SLCO5A1: variants seen among roughly 807,000 people sequenced by gnomAD.
The protein encoded by SLCO5A1 is solute carrier organic anion transporter family member 5A1, also known as organic anion transporter polypeptide-related protein 4.
A neutral mutation model predicts 65.1 loss-of-function variants in SLCO5A1; 39 were observed. The observed-to-expected ratio is 0.60, with a 90% CI of 0.46 to 0.78. The LOEUF is 0.78. Ranked by LOEUF, SLCO5A1 falls within the 30% of genes least tolerant of loss-of-function variation. SLCO5A1 has a pLI of 0.00. For synonymous variants in SLCO5A1, 438 were observed against 415.7 expected (o/e 1.05, Z -0.65); for missense variants, 1,029 against 1,069.4 (o/e 0.96, Z 0.53).
chr8:69,786,654 A>G (rs1309235513), intron 2 of SLCO5A1, among the ~76,000 whole-genome samples: 1 of 152,210 alleles, frequency 6.6e-6, no homozygotes, highest in East Asian at 1.9e-4. Context: ...GTGGGCACAC[A>G]CACACACAAC....
At chr8:69,706,666 TTG>T (rs1295507600) in intron 5 of SLCO5A1, among the ~76,000 whole-genome samples, 1 of 152,226 alleles carries the variant, frequency 6.6e-6, no homozygotes, top group African/African-American at 2.4e-5. Context: ...GGCCAGGGCC[TTG>T]TTGTTGGACT....
chr8:69,681,479 A>G (rs1279437548), intron 7 of SLCO5A1, among the ~76,000 whole-genome samples: 2 of 152,032 alleles, frequency 1.3e-5, no homozygotes, highest in African/African-American at 4.8e-5. Flanking sequence ...TATAATCCCA[A>G]CTACTAGGGA....
intron 6 of SLCO5A1, among the ~76,000 whole-genome samples, chr8:69,698,217 T>C (rs1191512894): frequency 6.6e-6 from 1 of 152,216 alleles, no homozygotes; most frequent in Non-Finnish European, 1.5e-5. Flanking sequence ...TAGTATTTCG[T>C]GGTGTGTATA....
At chr8:69,833,219 C>T (rs1006459468) in intron 1 of SLCO5A1, 50 bp from the exon 2 acceptor site, 1 of 156,834 alleles carries the variant, frequency 6.4e-6, no homozygotes, top group Admixed American at 6.5e-5. Context: ...CGGCTTGGGG[C>T]TAGCGTCCCA....
intron 3 of SLCO5A1, 40 bp from the exon 4 acceptor site, chr8:69,755,681 C>T: frequency 6.5e-7 from 1 of 1,539,880 alleles, no homozygotes; most frequent in Non-Finnish European, 8.8e-7. Flanking sequence ...TACGTCTTTT[C>T]TTTTGTGAGT....
chr8:69,735,318 G>A (rs899176707), intron 5 of SLCO5A1, among the ~76,000 whole-genome samples: 18 of 152,144 alleles, frequency 1.2e-4, no homozygotes, highest in African/African-American at 4.3e-4. Context: ...TCCCATTACT[G>A]GGGATATACC....
rs926702744 is a variant in SLCO5A1 at position 69,832,805 on chromosome 8, C to G, written c.-132G>C. On this transcript the variant is annotated 5_prime_UTR_variant, in exon 2 of 10. Coordinates refer to ENST00000260126, the MANE Select transcript of SLCO5A1 (RefSeq NM_030958.3). This position sits in a 1 kb window ranked among gnomAD's most constrained non-coding sequence, Gnocchi z 4.5. ...GGGACTGGGGCTGGGGGCGCAGGGC[C>G]GCGCAGCAGGGCATCCTCACCAGCT... 2.8e-6 allele frequency: 3 copies of G among 1,076,700 alleles called. No individual in the cohort carries two copies. Among genetic ancestry groups the G allele is most frequent in the Admixed American group, 2.9e-5 (1 of 34,676 alleles). The allele number at this position is 1,076,700 out of a possible 1,614,324, so 66.7% of individuals were successfully genotyped here. A position where few individuals can be genotyped will look rare whatever the true frequency, so the allele number is the denominator to read the frequency against.
In SLCO5A1 at chr8:69,667,708, T is replaced by C. The variant is rs1464550312; in HGVS notation, c.*5161A>G. The C allele has an allele frequency of 6.6e-6, 1 of 152,230 alleles. No homozygotes were observed. The highest frequency in any genetic ancestry group is 2.4e-5 in the African/African-American group (1 of 41,444). 9.4% of individuals were successfully genotyped at this position (152,230 alleles called of 1,614,324 possible). A position where few individuals can be genotyped will look rare whatever the true frequency, so the allele number is the denominator to read the frequency against. On this transcript the variant is annotated 3_prime_UTR_variant, in exon 10 of 10. Transcript: ENST00000260126. ...ACCCCAGTGTTAAAAATACCTTACATGGGTGTAATCTTTTTGGAGAAGAAA... is the reference window on the plus strand; with the variant it reads ...ACCCCAGTGTTAAAAATACCTTACACGGGTGTAATCTTTTTGGAGAAGAAA...
chr8:69,733,520 G>A (rs768559722), intron 5 of SLCO5A1, among the ~76,000 whole-genome samples: 23 of 152,136 alleles, frequency 1.5e-4, no homozygotes, highest in Admixed American at 7.9e-4. Context: ...GCTCCTTCAG[G>A]GTTGATACGG....
At position 69,669,658 on chromosome 8, in the gene SLCO5A1, T is replaced by C. The variant is rs1345368590; in HGVS notation, c.*3211A>G. 6.6e-6 allele frequency: 1 copy of C among 151,352 alleles called. No individual in the cohort carries two copies. Among genetic ancestry groups the C allele is most frequent in the Non-Finnish European group, 1.5e-5 (1 of 67,906 alleles). 9.4% of individuals were successfully genotyped at this position (151,352 alleles called of 1,614,324 possible). A position where few individuals can be genotyped will look rare whatever the true frequency, so the allele number is the denominator to read the frequency against. On this transcript the variant is annotated 3_prime_UTR_variant, in exon 10 of 10. Transcript: ENST00000260126. ...GGTGAAACCCTCTCTCTACTAAAAA[T>C]AGAAAAAAAATAGCTGGGTGTGGTG...
intron 4 of SLCO5A1, among the ~76,000 whole-genome samples, chr8:69,740,285 T>G (rs1469076230): frequency 6.6e-6 from 1 of 152,158 alleles, no homozygotes; most frequent in Non-Finnish European, 1.5e-5. Context: ...GGTTGTACCT[T>G]TGGTTGGTGG....
chr8:69,818,729 G>A (rs1201186366), intron 2 of SLCO5A1, among the ~76,000 whole-genome samples: 1 of 152,076 alleles, frequency 6.6e-6, no homozygotes, highest in African/African-American at 2.4e-5. Context: ...TGTCTTAGAG[G>A]CCAAAAATGA....
At chr8:69,702,046 A>G (rs1814762294) in intron 6 of SLCO5A1, among the ~76,000 whole-genome samples, 1 of 152,264 alleles carries the variant, frequency 6.6e-6, no homozygotes, top group Non-Finnish European at 1.5e-5. Context: ...TTGTAGAAGA[A>G]ACAGCTAAAA....
At chr8:69,730,946 G>A (rs576466127) in intron 5 of SLCO5A1, among the ~76,000 whole-genome samples, 1 of 152,084 alleles carries the variant, frequency 6.6e-6, no homozygotes, top group South Asian at 2.1e-4. Flanking sequence ...AAATATTCAA[G>A]CATGTGAGAT....
intron 2 of SLCO5A1, among the ~76,000 whole-genome samples, chr8:69,778,228 G>GGGGT (rs1491361612): frequency 7.0e-6 from 1 of 142,942 alleles, no homozygotes; most frequent in Non-Finnish European, 1.6e-5. Context: ...ATATGTATGG[G>GGGGT]GTGTGTGTGT....
intron 5 of SLCO5A1, among the ~76,000 whole-genome samples, chr8:69,718,398 C>T (rs1192917174): frequency 6.6e-6 from 1 of 152,148 alleles, no homozygotes; most frequent in South Asian, 2.1e-4. Flanking sequence ...TCTTCCTTAA[C>T]TTCCCTGGGC....
At chr8:69,821,159 T>C (rs921168410) in intron 2 of SLCO5A1, among the ~76,000 whole-genome samples, 1 of 151,776 alleles carries the variant, frequency 6.6e-6, no homozygotes, top group East Asian at 1.9e-4. Flanking sequence ...CTCAACTGAT[T>C]TGAAGCTCAC....
chr8:69,825,860 C>T (rs1166761835), intron 2 of SLCO5A1, among the ~76,000 whole-genome samples: 11 of 152,116 alleles, frequency 7.2e-5, no homozygotes, highest in Non-Finnish European at 1.5e-4. Flanking sequence ...GGAGGCATCA[C>T]ACTACCTGAC....
intron 8 of SLCO5A1, 124 bp downstream of exon 8, chr8:69,679,254 G>T: frequency 7.7e-7 from 1 of 1,300,286 alleles, no homozygotes; most frequent in Non-Finnish European, 1.1e-6. Flanking sequence ...ATATCTGAGC[G>T]CCCTCCTGCA....
Sources: gnomAD v4.1 joint callset for allele counts (sites outside exome capture counted in the v4.1 genomes callset) on GRCh38, gnomAD v4.1.1 for gene constraint, Gnocchi (gnomAD v3.1) non-coding constraint, MANE v1.5 for transcripts, NCBI Gene and HGNC (gene_info 2026-07-23, HGNC 2026-07-21) for gene names.